The following FHIT variants were observed in gnomAD, a reference collection of about 807,000 sequenced individuals.
FHIT encodes bis(5'-adenosyl)-triphosphatase.
FHIT carries 19 observed loss-of-function variants against 17.9 expected under a neutral mutation model. The ratio of observed to expected loss-of-function variants is 1.06; its 90% CI spans 0.74 to 1.56. The LOEUF is 1.56. Ranked by LOEUF, FHIT falls within the 40% of genes most tolerant of loss-of-function variation. The pLI, the probability that FHIT is intolerant of heterozygous loss-of-function variation, is 0.00. For missense variants in FHIT, 248 were observed against 189.2 expected (o/e 1.31, Z -1.82); for synonymous variants, 81 against 69.7 (o/e 1.16, Z -0.81).
chr3:60,502,249 C>A (rs1051376150), intron 5 of FHIT, among the ~76,000 whole-genome samples: 3 of 152,030 alleles, frequency 2.0e-5, no homozygotes, highest in Non-Finnish European at 2.9e-5. Flanking sequence ...ATCCCAGCAG[C>A]CTGGGAAAGA....
intron 5 of FHIT, among the ~76,000 whole-genome samples, chr3:60,321,155 T>A (rs559752261): frequency 6.6e-6 from 1 of 152,244 alleles, no homozygotes; most frequent in East Asian, 1.9e-4. Context: ...CTTCCCACCC[T>A]GCGAAGAATG....
chr3:60,367,675 C>A (rs1344071962), intron 5 of FHIT, among the ~76,000 whole-genome samples: 1 of 152,054 alleles, frequency 6.6e-6, no homozygotes, highest in Non-Finnish European at 1.5e-5. Context: ...TTTTTAAAAA[C>A]AACAAAGCAA....
At chr3:60,540,149 G>A (rs1215441501) in intron 4 of FHIT, among the ~76,000 whole-genome samples, 1 of 151,998 alleles carries the variant, frequency 6.6e-6, no homozygotes, top group East Asian at 1.9e-4. Context: ...CAGAAGAACA[G>A]GTTTAGGGAG....
chr3:60,595,556 G>A (rs2038238692), intron 4 of FHIT, among the ~76,000 whole-genome samples: 1 of 149,968 alleles, frequency 6.7e-6, no homozygotes, highest in Admixed American at 6.7e-5. Flanking sequence ...TGTATATATG[G>A]ACATATGTGT....
chr3:60,138,263 G>A (rs897897107), intron 5 of FHIT, among the ~76,000 whole-genome samples: 1 of 152,130 alleles, frequency 6.6e-6, no homozygotes, highest in African/African-American at 2.4e-5. Flanking sequence ...CTAAGCATCT[G>A]TACACAACAT....
chr3:60,274,176 T>C (rs1382349492), intron 5 of FHIT, among the ~76,000 whole-genome samples: 2 of 152,154 alleles, frequency 1.3e-5, no homozygotes, highest in African/African-American at 4.8e-5. Flanking sequence ...GATTTTATAA[T>C]ATCAGATAAC....
intron 4 of FHIT, among the ~76,000 whole-genome samples, chr3:60,568,085 G>A (rs2037207196): frequency 6.6e-6 from 1 of 152,142 alleles, no homozygotes; most frequent in Non-Finnish European, 1.5e-5. Context: ...AATGCCATTT[G>A]GCCCAGCAAT....
At chr3:60,728,174 ACTATGT>A (rs782775836) in intron 4 of FHIT, among the ~76,000 whole-genome samples, 5 of 152,228 alleles carry the variant, frequency 3.3e-5, no homozygotes, top group Non-Finnish European at 2.9e-5. Flanking sequence ...TGTGCTATCA[ACTATGT>A]CACATTTCTC....
At chr3:61,207,856 G>A (rs945196385) in intron 1 of FHIT, among the ~76,000 whole-genome samples, 3 of 152,088 alleles carry the variant, frequency 2.0e-5, no homozygotes, top group African/African-American at 4.8e-5. Context: ...CTTGCCTTCT[G>A]CTAGTGTTGA....
intron 5 of FHIT, among the ~76,000 whole-genome samples, chr3:60,147,855 A>G (rs961114335): frequency 2.6e-5 from 4 of 152,262 alleles, no homozygotes; most frequent in African/African-American, 7.2e-5. Flanking sequence ...GTCTAGGCCT[A>G]TTTGTGCATT....
chr3:60,162,458 G>A (rs1700982155), intron 5 of FHIT, among the ~76,000 whole-genome samples: 1 of 152,140 alleles, frequency 6.6e-6, no homozygotes, highest in African/African-American at 2.4e-5. Context: ...TAACCAATGA[G>A]ATCGTGCAGT....
intron 5 of FHIT, among the ~76,000 whole-genome samples, chr3:60,065,311 G>A (rs1325939908): frequency 6.6e-6 from 1 of 152,034 alleles, no homozygotes; most frequent in Non-Finnish European, 1.5e-5. Flanking sequence ...ATCCTGACCT[G>A]GCCATGATCT....
At chr3:60,556,388 G>C (rs947516817) in intron 4 of FHIT, among the ~76,000 whole-genome samples, 1 of 152,202 alleles carries the variant, frequency 6.6e-6, no homozygotes, top group African/African-American at 2.4e-5. Context: ...GAGGGAAGAT[G>C]CAACTGATCC....
In FHIT at chr3:59,917,071, A is replaced by G. The variant is rs1423918868; in HGVS notation, c.348+5275T>C. Among the ~76,000 whole-genome samples the G allele has an allele frequency of 2.0e-5, 3 of 152,346 alleles. No individual in the cohort carries two copies. The East Asian group carries it at 5.8e-4, about 29-fold the overall frequency. On this transcript the variant is annotated intron_variant, in intron 8 of 9. Transcript: ENST00000492590. ...GCCGTGTGAAAGAGATCCAAGTTCAACAACAAATATCATCAGCAATATAAT... is the reference window on the plus strand; with the variant it reads ...GCCGTGTGAAAGAGATCCAAGTTCAGCAACAAATATCATCAGCAATATAAT...
At chr3:60,416,436 T>G (rs1442697410) in intron 5 of FHIT, among the ~76,000 whole-genome samples, 1 of 152,204 alleles carries the variant, frequency 6.6e-6, no homozygotes, top group Non-Finnish European at 1.5e-5. Context: ...AGTAAATATT[T>G]TAGAGTTTGT....
intron 3 of FHIT, among the ~76,000 whole-genome samples, chr3:60,959,793 G>T (rs1444016285): frequency 2.6e-5 from 4 of 151,028 alleles, no homozygotes; most frequent in Non-Finnish European, 5.9e-5. Flanking sequence ...AATCAGGAGA[G>T]GCTTTTTCTT....
At chr3:60,679,235 G>A (rs1411528073) in intron 4 of FHIT, among the ~76,000 whole-genome samples, 4 of 152,080 alleles carry the variant, frequency 2.6e-5, no homozygotes, top group Non-Finnish European at 5.9e-5. Flanking sequence ...AAGACAAAGG[G>A]ATAAGAATCC....
intron 8 of FHIT, among the ~76,000 whole-genome samples, chr3:59,916,242 G>A (rs1303209961): frequency 2.0e-5 from 3 of 152,128 alleles, no homozygotes; most frequent in Non-Finnish European, 4.4e-5. Flanking sequence ...GATTCTTCCT[G>A]CCCTCGAACA....
At chr3:60,297,487 G>C (rs1708264834) in intron 5 of FHIT, among the ~76,000 whole-genome samples, 1 of 151,640 alleles carries the variant, frequency 6.6e-6, no homozygotes, top group Middle Eastern at 3.2e-3. Context: ...TAATATCCTG[G>C]GGCCTTTCTG....
Sources: allele counts gnomAD v4.1 joint callset (sites outside exome capture counted in the v4.1 genomes callset), GRCh38; gene constraint gnomAD v4.1.1; transcripts MANE v1.5; gene names NCBI Gene and HGNC (gene_info 2026-07-23, HGNC 2026-07-21).